The following GNB4 variants were observed in gnomAD, a reference collection of about 807,000 sequenced individuals.
GNB4 encodes G protein subunit beta 4.
Under a neutral mutation model 45.2 loss-of-function variants are expected in GNB4, and 28 were observed. The observed-to-expected ratio is 0.62, with a 90% CI of 0.46 to 0.85. The LOEUF (loss-of-function observed/expected upper bound fraction) is 0.85, where lower values mean the gene tolerates loss of function less well. Ranked by LOEUF, GNB4 falls within the 40% of genes least tolerant of loss-of-function variation. The probability of loss-of-function intolerance (pLI) is 0.00; values close to 1 mark genes in which losing one functional copy is unlikely to be tolerated. For missense variants in GNB4, 321 were observed against 425.4 expected (o/e 0.75, Z 2.16); for synonymous variants, 132 against 143.7 (o/e 0.92, Z 0.58).
At chr3:179,443,964 G>A (rs544807529) in intron 1 of GNB4, among the ~76,000 whole-genome samples, 4 of 152,216 alleles carry the variant, frequency 2.6e-5, no homozygotes, top group Middle Eastern at 3.4e-3. Flanking sequence ...TTGTTCTACT[G>A]CTGATTTTCC....
chr3:179,450,343 T>C (rs1715836624), intron 1 of GNB4, among the ~76,000 whole-genome samples: 1 of 152,206 alleles, frequency 6.6e-6, no homozygotes, highest in Non-Finnish European at 1.5e-5. Context: ...TAGAAATAAC[T>C]TCCCTCCCAT....
chr3:179,430,286 G>A (rs751356077), intron 1 of GNB4, among the ~76,000 whole-genome samples: 1 of 151,994 alleles, frequency 6.6e-6, no homozygotes, highest in Non-Finnish European at 1.5e-5. Context: ...AGACAGGGTC[G>A]CCATGTTGCC....
At chr3:179,516,488 G>A in the GNB4 span, among the ~76,000 whole-genome samples, 15 of 152,270 alleles carry the variant, frequency 9.9e-5, no homozygotes, top group Admixed American at 3.3e-4. Context: ...CCTGGGTGGG[G>A]GCAAATCCCC....
rs1363463150 is a variant in GNB4 at position 179,415,067 on chromosome 3, C to A, written c.268-20G>T. On this transcript the variant is annotated intron_variant, in intron 5 of 9. Coordinates refer to ENST00000232564, the MANE Select transcript of GNB4 (RefSeq NM_021629.4). ...ATGCATCTGTAGGGCACACACCACA[C>A]ATCACTCAGATTACAAAAACAGTCA... The A allele has an allele frequency of 6.6e-7, 1 of 1,524,464 alleles. No homozygotes were observed. Among genetic ancestry groups the A allele is most frequent in the South Asian group, 1.3e-5 (1 of 76,566 alleles). The allele number at this position is 1,524,464 out of a possible 1,614,324, so 94.4% of individuals were successfully genotyped here. A position where few individuals can be genotyped will look rare whatever the true frequency, so the allele number is the denominator to read the frequency against.
At chr3:179,503,184 T>TA in the GNB4 span, among the ~76,000 whole-genome samples, 12 of 152,222 alleles carry the variant, frequency 7.9e-5, no homozygotes, top group South Asian at 6.2e-4. Context: ...ATATTTTACC[T>TA]AAAAAAACCC....
the GNB4 span, among the ~76,000 whole-genome samples, chr3:179,527,246 G>T: frequency 6.6e-6 from 1 of 152,150 alleles, no homozygotes; most frequent in Non-Finnish European, 1.5e-5. Context: ...TCAATTTGAA[G>T]CCAGATATTG....
At position 179,440,875 on chromosome 3, in the gene GNB4, A is replaced by T. The variant is rs575953322; in HGVS notation, c.-43+10471T>A. 5.8e-5 allele frequency among the ~76,000 whole-genome samples: 7 copies of T among 120,660 alleles called. 1 individual carries two copies. Among genetic ancestry groups the T allele is most frequent in the South Asian group, 2.7e-4 (1 of 3,766 alleles). The allele number at this position is 120,660 out of a possible 152,430, so 79.2% of individuals were successfully genotyped here. A position where few individuals can be genotyped will look rare whatever the true frequency, so the allele number is the denominator to read the frequency against. ...TTTTTAAAAATTCCTATATATATAG[A>T]TAGATAGAGAGAGAGAGAGAGAGAG... is the stretch of plus-strand genomic sequence containing the variant. On this transcript the variant is annotated intron_variant, in intron 1 of 9. Coordinates refer to ENST00000232564, the MANE Select transcript of GNB4 (RefSeq NM_021629.4).
chr3:179,404,995 T>C (rs566691233), intron 9 of GNB4, among the ~76,000 whole-genome samples, 195 bp downstream of exon 9: 1 of 152,320 alleles, frequency 6.6e-6, no homozygotes, highest in Non-Finnish European at 1.5e-5. Context: ...AGTGTGATTC[T>C]TCAGAAAGCA....
intron 3 of GNB4, 149 bp from the exon 4 acceptor site, chr3:179,419,654 G>A (rs1206826927): frequency 8.2e-6 from 5 of 609,960 alleles, no homozygotes; most frequent in African/African-American, 3.7e-5. Context: ...CCACAGAGCC[G>A]TTATGGGATC....
At chr3:179,450,249 A>G (rs1319286782) in intron 1 of GNB4, among the ~76,000 whole-genome samples, 1 of 152,184 alleles carries the variant, frequency 6.6e-6, no homozygotes, top group Non-Finnish European at 1.5e-5. Context: ...AAAGCCCCAA[A>G]CTGAAGAGTA....
chr3:179,482,385 C>T, the GNB4 span, among the ~76,000 whole-genome samples: 2 of 152,146 alleles, frequency 1.3e-5, no homozygotes, highest in African/African-American at 2.4e-5. Context: ...GGTGGGTTCT[C>T]TCTTGAGTGG....
At chr3:179,492,574 C>T in the GNB4 span, among the ~76,000 whole-genome samples, 1 of 152,170 alleles carries the variant, frequency 6.6e-6, no homozygotes, top group South Asian at 2.1e-4. Flanking sequence ...AGACCTGGAA[C>T]CTAGCAGTAT....
At chr3:179,474,156 T>A in the GNB4 span, among the ~76,000 whole-genome samples, 1 of 152,266 alleles carries the variant, frequency 6.6e-6, no homozygotes, top group Middle Eastern at 3.4e-3. Context: ...GCTACTGTAC[T>A]CCACCCTAGG....
chr3:179,481,040 A>T, the GNB4 span, among the ~76,000 whole-genome samples: 2 of 151,434 alleles, frequency 1.3e-5, no homozygotes, highest in African/African-American at 4.8e-5. Context: ...TTTAGTAGAG[A>T]CGGGGTTTCA....
rs556032294 is a variant in GNB4 at position 179,421,045 on chromosome 3, A to G, written c.58-118T>C. 2.2e-5 allele frequency: 14 copies of G among 625,344 alleles called. 1 individual carries two copies. The South Asian group carries it at 2.9e-4, about 13-fold the overall frequency. 38.7% of individuals were successfully genotyped at this position (625,344 alleles called of 1,614,324 possible). A position where few individuals can be genotyped will look rare whatever the true frequency, so the allele number is the denominator to read the frequency against. ...TTCTCACTGTACCACATCTTTAAAA[A>G]TTTTTTTAATTGATATAAAAATCAC... On this transcript the variant is annotated intron_variant, in intron 2 of 9. Coordinates refer to ENST00000232564, the MANE Select transcript of GNB4 (RefSeq NM_021629.4).
intron 1 of GNB4, among the ~76,000 whole-genome samples, chr3:179,431,572 A>AG (rs1715311131): frequency 6.6e-6 from 1 of 151,574 alleles, no homozygotes; most frequent in Non-Finnish European, 1.5e-5. Flanking sequence ...AAAAAAAAAA[A>AG]AGACTAAATC....
chr3:179,487,086 C>CA, the GNB4 span, among the ~76,000 whole-genome samples: 2 of 152,160 alleles, frequency 1.3e-5, no homozygotes, highest in Non-Finnish European at 2.9e-5. Context: ...TTCATTATTT[C>CA]AAAATCTAAC....
chr3:179,409,238 C>T lies in GNB4; in HGVS notation c.700-3832G>A, dbSNP rs551515378. On this transcript the variant is annotated intron_variant, in intron 8 of 9. Transcript: ENST00000232564. ...AAAAAACTAGAAAAAAGGCTGTGCA[C>T]AGTGGCTCATGCCTGTAATCCCAGC... 1.2e-3 allele frequency among the ~76,000 whole-genome samples: 176 copies of T among 151,800 alleles called. 1 individual carries two copies. The highest frequency in any genetic ancestry group is 4.0e-3 in the African/African-American group (166 of 41,414).
chr3:179,475,730 G>A, the GNB4 span, among the ~76,000 whole-genome samples: 233 of 150,168 alleles, frequency 1.6e-3, no homozygotes, highest in East Asian at 0.013. Context: ...CCTCAGCCTC[G>A]CAAATTGCTG....
Sources: allele counts gnomAD v4.1 joint callset (sites outside exome capture counted in the v4.1 genomes callset), GRCh38; gene constraint gnomAD v4.1.1; transcripts MANE v1.5; gene names NCBI Gene and HGNC (gene_info 2026-07-23, HGNC 2026-07-21).